Variants in SLIT3 observed in about 807,000 individuals in gnomAD.
SLIT3 encodes the protein slit homolog 3 protein.
SLIT3 carries 68 observed loss-of-function variants against 184.0 expected under a neutral mutation model. The ratio of observed to expected loss-of-function variants is 0.37; its 90% CI spans 0.30 to 0.45. The LOEUF is 0.45. SLIT3 is among the 20% of genes least tolerant of loss of function. The pLI is 1.00. For synonymous variants in SLIT3, 831 were observed against 828.6 expected (o/e 1.00, Z -0.05); for missense variants, 1,707 against 2,026.0 (o/e 0.84, Z 3.02).
chr5:169,299,574 C>T (rs1767616898), intron 1 of SLIT3, among the ~76,000 whole-genome samples: 1 of 152,178 alleles, frequency 6.6e-6, no homozygotes, highest in Non-Finnish European at 1.5e-5. Context: ...GCGTTTCTCC[C>T]CCACTCCCTT....
intron 4 of SLIT3, among the ~76,000 whole-genome samples, chr5:168,966,421 C>A (rs141853614): frequency 2.0e-5 from 3 of 151,760 alleles, no homozygotes; most frequent in Non-Finnish European, 2.9e-5. Context: ...ATTGAAGGGG[C>A]AGCCTGGGTC....
chr5:169,142,254 G>C (rs1761774155), intron 4 of SLIT3, among the ~76,000 whole-genome samples: 1 of 152,022 alleles, frequency 6.6e-6, no homozygotes, highest in Non-Finnish European at 1.5e-5. Flanking sequence ...TAATAAAACA[G>C]AATCCGTTAA....
At chr5:168,839,678 G>C (rs939860992) in intron 6 of SLIT3, among the ~76,000 whole-genome samples, 4 of 152,148 alleles carry the variant, frequency 2.6e-5, no homozygotes, top group African/African-American at 9.7e-5. Context: ...ATCATCCCTT[G>C]TTTCTGTCAC....
chr5:169,272,226 A>G (rs2093621250), intron 1 of SLIT3, among the ~76,000 whole-genome samples: 1 of 152,228 alleles, frequency 6.6e-6, no homozygotes, highest in Non-Finnish European at 1.5e-5. Flanking sequence ...CAACCTGACC[A>G]CACACCTCCA....
At chr5:169,299,022 T>C (rs995557574) in intron 1 of SLIT3, among the ~76,000 whole-genome samples, 2 of 152,248 alleles carry the variant, frequency 1.3e-5, no homozygotes, top group African/African-American at 2.4e-5. Context: ...TTCACTCCTA[T>C]GGACTAACTT....
At chr5:169,211,488 G>A (rs772349226) in intron 3 of SLIT3, among the ~76,000 whole-genome samples, 19 of 151,920 alleles carry the variant, frequency 1.3e-4, no homozygotes, top group Non-Finnish European at 1.5e-4. Flanking sequence ...TCCCTATCCC[G>A]TTACCCCTCA....
chr5:168,753,503 T>C (rs1038862516), intron 17 of SLIT3, among the ~76,000 whole-genome samples: 4 of 152,270 alleles, frequency 2.6e-5, no homozygotes, highest in Admixed American at 2.6e-4. Context: ...GTTGCACGTG[T>C]CTGCATATAT....
At chr5:168,843,606 G>A (rs1029081109) in intron 6 of SLIT3, among the ~76,000 whole-genome samples, 2 of 152,142 alleles carry the variant, frequency 1.3e-5, no homozygotes, top group Non-Finnish European at 2.9e-5. Flanking sequence ...TCCCAGAGCC[G>A]AAGAGACTTG....
chr5:168,735,510 C>A (rs955725405), intron 20 of SLIT3, among the ~76,000 whole-genome samples: 2 of 152,146 alleles, frequency 1.3e-5, no homozygotes, highest in African/African-American at 4.8e-5. Flanking sequence ...TACATTTAGT[C>A]ACCTGTAAAA....
At chr5:169,295,281 C>G (rs748877269) in intron 1 of SLIT3, among the ~76,000 whole-genome samples, 3 of 152,124 alleles carry the variant, frequency 2.0e-5, no homozygotes, top group Non-Finnish European at 2.9e-5. Context: ...GTGTTAAGCA[C>G]TTTCCTGTAT....
At chr5:168,947,707 G>C (rs568536757) in intron 4 of SLIT3, among the ~76,000 whole-genome samples, 1 of 152,334 alleles carries the variant, frequency 6.6e-6, no homozygotes, top group Non-Finnish European at 1.5e-5. Context: ...AGGGCCTGAG[G>C]CTGGATGCAG....
intron 4 of SLIT3, among the ~76,000 whole-genome samples, chr5:169,182,195 A>G (rs1763183806): frequency 6.6e-6 from 1 of 152,226 alleles, no homozygotes; most frequent in African/African-American, 2.4e-5. Context: ...GAACGATGGG[A>G]AAAAAGAAAC....
chr5:168,718,279 G>A (rs1220970450), intron 23 of SLIT3: 1 of 152,088 alleles, frequency 6.6e-6, no homozygotes, highest in East Asian at 1.9e-4. Flanking sequence ...TGGTAGAGCA[G>A]TGATGAACAG....
intron 4 of SLIT3, among the ~76,000 whole-genome samples, chr5:169,061,578 C>T (rs1294856291): frequency 6.6e-6 from 1 of 152,206 alleles, no homozygotes; most frequent in African/African-American, 2.4e-5. Context: ...TAATGCCTGG[C>T]CCATCTCTAC....
chr5:168,770,912 C>A (rs181402847), intron 14 of SLIT3, among the ~76,000 whole-genome samples: 1 of 152,104 alleles, frequency 6.6e-6, no homozygotes, highest in East Asian at 1.9e-4. Context: ...CACCCCCAAC[C>A]ACAGTCATGC....
intron 26 of SLIT3, among the ~76,000 whole-genome samples, chr5:168,702,088 G>C (rs1582546654): frequency 1.3e-5 from 2 of 152,236 alleles, no homozygotes; most frequent in Non-Finnish European, 2.9e-5. Context: ...GTTTCTTGGA[G>C]GGGGACAGGG....
intron 3 of SLIT3, among the ~76,000 whole-genome samples, chr5:169,200,558 A>G (rs866837924): frequency 3.3e-5 from 5 of 152,150 alleles, no homozygotes; most frequent in Non-Finnish European, 1.5e-5. Context: ...TGATGACTAC[A>G]GACTCCGGGC....
chr5:168,679,787 C>G (rs1042555245), intron 32 of SLIT3, among the ~76,000 whole-genome samples: 7 of 152,156 alleles, frequency 4.6e-5, no homozygotes, highest in African/African-American at 1.7e-4. Flanking sequence ...GGAGCCAGCA[C>G]GGTGGGAGAG....
intron 20 of SLIT3, among the ~76,000 whole-genome samples, chr5:168,744,836 A>G (rs930611867): frequency 4.6e-5 from 7 of 152,226 alleles, no homozygotes; most frequent in Admixed American, 1.3e-4. Context: ...GTACACACAG[A>G]TTAATGTTGT....
Sources: gnomAD v4.1 joint callset for allele counts (sites outside exome capture counted in the v4.1 genomes callset) on GRCh38, gnomAD v4.1.1 for gene constraint, MANE v1.5 for transcripts, NCBI Gene and HGNC (gene_info 2026-07-23, HGNC 2026-07-21) for gene names.